The following GALNT13 variants were observed in gnomAD, a reference collection of about 807,000 sequenced individuals.
GALNT13 encodes the protein UDP-GalNAc:polypeptide N-acetylgalactosaminyltransferase 13.
Under a neutral mutation model 64.2 loss-of-function variants are expected in GALNT13, and 28 were observed. The ratio of observed to expected loss-of-function variants is 0.44; its 90% confidence interval spans 0.32 to 0.60. GALNT13 has a LOEUF of 0.60. Among genes scored for constraint, GALNT13 ranks in the 20% least tolerant of loss-of-function variants. GALNT13 has a pLI of 0.05. For missense variants in GALNT13, 577 were observed against 669.8 expected (o/e 0.86, Z 1.53); for synonymous variants, 214 against 224.6 (o/e 0.95, Z 0.42).
the GALNT13 span, among the ~76,000 whole-genome samples, chr2:153,277,755 T>C: frequency 6.6e-6 from 1 of 151,938 alleles, no homozygotes; most frequent in South Asian, 2.1e-4. Flanking sequence ...CTGACTCATG[T>C]GAGATGGTAT....
the GALNT13 span, among the ~76,000 whole-genome samples, chr2:153,264,305 G>A: frequency 3.3e-5 from 5 of 152,240 alleles, no homozygotes; most frequent in Admixed American, 2.6e-4. Flanking sequence ...TAGCGAGGCT[G>A]TGGAGAAATA....
At chr2:153,690,378 C>T in the GALNT13 span, among the ~76,000 whole-genome samples, 2 of 152,096 alleles carry the variant, frequency 1.3e-5, no homozygotes, top group African/African-American at 4.8e-5. Context: ...TATTTATAGT[C>T]AAGCCTCTCT....
the GALNT13 span, among the ~76,000 whole-genome samples, chr2:153,786,725 T>C: frequency 6.6e-6 from 1 of 151,620 alleles, no homozygotes; most frequent in East Asian, 1.9e-4. Context: ...TCCAAATTCC[T>C]TGGAGGTGGA....
chr2:154,238,271 G>C (rs1689302035), intron 4 of GALNT13, among the ~76,000 whole-genome samples: 1 of 151,988 alleles, frequency 6.6e-6, no homozygotes, highest in Non-Finnish European at 1.5e-5. Context: ...TAAAGGCAAA[G>C]AAAGCTTAAA....
chr2:154,244,902 C>T (rs1573944833), intron 6 of GALNT13, among the ~76,000 whole-genome samples: 1 of 151,936 alleles, frequency 6.6e-6, no homozygotes, highest in East Asian at 1.9e-4. Context: ...AGGTGGATCA[C>T]CTGAGGTCAG....
chr2:153,995,451 A>G (rs1022833551), intron 3 of GALNT13, among the ~76,000 whole-genome samples: 27 of 152,278 alleles, frequency 1.8e-4, no homozygotes, highest in African/African-American at 6.5e-4. Context: ...CATTTCTCTC[A>G]GGAGCTCAGG....
the GALNT13 span, among the ~76,000 whole-genome samples, chr2:153,732,344 C>T: frequency 4.6e-5 from 7 of 151,748 alleles, no homozygotes; most frequent in Admixed American, 2.0e-4. Context: ...TTGCCTAATT[C>T]GTGAGCATGT....
the GALNT13 span, among the ~76,000 whole-genome samples, chr2:153,830,004 G>T: frequency 2.6e-5 from 4 of 151,992 alleles, no homozygotes; most frequent in Non-Finnish European, 4.4e-5. Flanking sequence ...ACTAAAAATT[G>T]TATATCTTAG....
At chr2:153,071,618 A>G in the GALNT13 span, among the ~76,000 whole-genome samples, 1 of 152,222 alleles carries the variant, frequency 6.6e-6, no homozygotes, top group African/African-American at 2.4e-5. Flanking sequence ...GTTTTAACTA[A>G]GAAGTTTTAC....
At chr2:153,548,455 A>G in the GALNT13 span, among the ~76,000 whole-genome samples, 1 of 152,328 alleles carries the variant, frequency 6.6e-6, no homozygotes, top group Admixed American at 6.5e-5. Context: ...TTTATTGTCA[A>G]ATATACTTAA....
At chr2:153,925,251 A>G (rs1690041435) in intron 2 of GALNT13, among the ~76,000 whole-genome samples, 1 of 152,176 alleles carries the variant, frequency 6.6e-6, no homozygotes, top group Admixed American at 6.5e-5. Flanking sequence ...GAAGGGGTCC[A>G]GTTTCAATTT....
intron 3 of GALNT13, among the ~76,000 whole-genome samples, chr2:154,031,148 G>A (rs1002436129): frequency 9.2e-5 from 14 of 152,096 alleles, no homozygotes; most frequent in African/African-American, 3.1e-4. Context: ...TGTAGGAGAA[G>A]TATTGGGATA....
At chr2:153,600,839 A>G in the GALNT13 span, among the ~76,000 whole-genome samples, 4 of 151,976 alleles carry the variant, frequency 2.6e-5, no homozygotes, top group African/African-American at 9.7e-5. Flanking sequence ...TCCCTGGCTG[A>G]GATAGGCTGA....
At chr2:153,884,379 A>G (rs560453156) in intron 1 of GALNT13, among the ~76,000 whole-genome samples, 2 of 152,016 alleles carry the variant, frequency 1.3e-5, no homozygotes, top group Admixed American at 1.3e-4. Flanking sequence ...AGATATTGGG[A>G]TTTAAAGATT....
the GALNT13 span, among the ~76,000 whole-genome samples, chr2:153,190,059 G>T: frequency 6.6e-6 from 1 of 151,970 alleles, no homozygotes; most frequent in Admixed American, 6.6e-5. Flanking sequence ...TCACTTTGTT[G>T]ATTATTTCTT....
At chr2:154,123,966 C>A (rs1234145758) in intron 3 of GALNT13, among the ~76,000 whole-genome samples, 1 of 151,926 alleles carries the variant, frequency 6.6e-6, no homozygotes, top group Non-Finnish European at 1.5e-5. Context: ...ATACATTTGT[C>A]TAAACTCATT....
At chr2:153,516,253 T>C in the GALNT13 span, among the ~76,000 whole-genome samples, 42,842 of 152,030 alleles carry the variant, frequency 0.28, 6,701 homozygotes, top group East Asian at 0.55. Context: ...TTTTGGAGTA[T>C]GGATTCTCAG....
chr2:153,581,658 C>T, the GALNT13 span, among the ~76,000 whole-genome samples: 1 of 151,572 alleles, frequency 6.6e-6, no homozygotes, highest in Non-Finnish European at 1.5e-5. Context: ...AAGAGTAAAA[C>T]TTATGTATAA....
the GALNT13 span, among the ~76,000 whole-genome samples, chr2:153,660,478 C>T: frequency 1.3e-5 from 2 of 151,548 alleles, no homozygotes; most frequent in Non-Finnish European, 2.9e-5. Flanking sequence ...TGAAAGATTA[C>T]TTTGGCCTAA....
Sources: gnomAD v4.1 joint callset for allele counts (sites outside exome capture counted in the v4.1 genomes callset) on GRCh38, gnomAD v4.1.1 for gene constraint, MANE v1.5 for transcripts, NCBI Gene and HGNC (gene_info 2026-07-23, HGNC 2026-07-21) for gene names.